Variants in ADGRB3 observed in about 807,000 individuals in gnomAD.
ADGRB3 encodes the protein brain-specific angiogenesis inhibitor 3.
ADGRB3 carries 37 observed loss-of-function variants against 193.4 expected under a neutral mutation model. The observed-to-expected ratio is 0.19, with a 90% confidence interval of 0.15 to 0.25. The LOEUF is 0.25. Among genes scored for constraint, ADGRB3 ranks in the 10% least tolerant of loss-of-function variants. The pLI, the probability that ADGRB3 is intolerant of heterozygous loss-of-function variation, is 1.00. For missense variants in ADGRB3, 1,637 were observed against 1,852.9 expected, an observed-to-expected ratio of 0.88 and a Z score of 2.14; for synonymous variants, 690 against 644.2, an observed-to-expected ratio of 1.07 and a Z score of -1.08.
chr6:68,798,176 G>T (rs1325197347), intron 3 of ADGRB3, among the ~76,000 whole-genome samples: 3 of 152,130 alleles, frequency 2.0e-5, no homozygotes, highest in Non-Finnish European at 4.4e-5. Context: ...TATGAAAACA[G>T]TTGGTTTATT....
intron 3 of ADGRB3, among the ~76,000 whole-genome samples, chr6:68,793,199 C>G (rs1767143257): frequency 6.6e-6 from 1 of 152,102 alleles, no homozygotes; most frequent in South Asian, 2.1e-4. Context: ...ACTGTTCGTG[C>G]ATCTCAGGGT....
intron 3 of ADGRB3, among the ~76,000 whole-genome samples, chr6:68,757,348 C>T (rs1052223079): frequency 2.1e-4 from 32 of 152,218 alleles, no homozygotes; most frequent in Admixed American, 7.2e-4. Context: ...TACTTTGAAA[C>T]GAGATTGATT....
intron 3 of ADGRB3, among the ~76,000 whole-genome samples, chr6:68,744,880 G>C (rs1052426923): frequency 3.3e-5 from 5 of 152,048 alleles, no homozygotes; most frequent in Non-Finnish European, 5.9e-5. Flanking sequence ...AGAACTTGAA[G>C]TATAATTTTA....
intron 17 of ADGRB3, among the ~76,000 whole-genome samples, chr6:69,219,461 G>GTGTATATA (rs1491200940): frequency 0.019 from 1,884 of 98,944 alleles, 49 homozygotes; most frequent in Middle Eastern, 0.029. Flanking sequence ...ACACACACAC[G>GTGTATATA]TATATATATA....
chr6:69,163,229 C>T (rs1278529517), intron 17 of ADGRB3, among the ~76,000 whole-genome samples: 2 of 152,104 alleles, frequency 1.3e-5, no homozygotes, highest in African/African-American at 2.4e-5. Context: ...ATTCCCCAGA[C>T]AGAAGCTCAA....
intron 17 of ADGRB3, among the ~76,000 whole-genome samples, chr6:69,215,456 G>A (rs1164150767): frequency 1.3e-5 from 1 of 75,818 alleles, no homozygotes; most frequent in African/African-American, 9.0e-5. Flanking sequence ...ACAGAAACGT[G>A]TGTGTGTGTG....
intron 3 of ADGRB3, among the ~76,000 whole-genome samples, chr6:68,825,542 G>A (rs1767826837): frequency 6.6e-6 from 1 of 152,180 alleles, no homozygotes; most frequent in African/African-American, 2.4e-5. Context: ...GATGAACACT[G>A]ATATGGTTAG....
At position 69,088,604 on chromosome 6, in the gene ADGRB3, C is replaced by A. The variant is rs550706765; in HGVS notation, c.2480+12566C>A. Among the ~76,000 whole-genome samples the A allele has an allele frequency of 6.8e-4, 103 of 152,312 alleles. 1 individual carries two copies. Among genetic ancestry groups the A allele is most frequent in the Non-Finnish European group, 3.2e-4 (22 of 68,028 alleles). On this transcript the variant is annotated intron_variant, in intron 17 of 31. Coordinates refer to ENST00000370598, the MANE Select transcript of ADGRB3 (RefSeq NM_001704.3). The stretch of plus-strand genomic sequence containing the variant: ...GGCCAGTCTGGTCTAAAATTCCTGA[C>A]CTCAGGTGATCTGCCTGCCTTGGCC...
chr6:69,031,564 T>TTTCTTTCTTTCTTTCTTTCTTTCTTTTC (rs1398380007), intron 13 of ADGRB3, among the ~76,000 whole-genome samples: 1 of 135,642 alleles, frequency 7.4e-6, no homozygotes, highest in Admixed American at 7.7e-5. Context: ...TCTTTCTTTC[T>TTTCTTTCTTTCTTTCTTTCTTTCTTTTC]TTTCTTCCTC....
chr6:69,287,449 AAG>A (rs1345640573), intron 20 of ADGRB3, among the ~76,000 whole-genome samples: 8 of 152,166 alleles, frequency 5.3e-5, no homozygotes, highest in African/African-American at 1.9e-4. Context: ...CAATGAGAAA[AAG>A]AAAAAAAACT....
At chr6:68,743,492 AT>A (rs1348125357) in intron 3 of ADGRB3, among the ~76,000 whole-genome samples, 1 of 151,570 alleles carries the variant, frequency 6.6e-6, no homozygotes, top group African/African-American at 2.4e-5. Flanking sequence ...CATGTGTTCT[AT>A]TTTTTGAGGC....
chr6:69,216,688 G>A (rs1765778763), intron 17 of ADGRB3, among the ~76,000 whole-genome samples: 2 of 152,158 alleles, frequency 1.3e-5, no homozygotes, highest in African/African-American at 2.4e-5. Flanking sequence ...AGCCTAGAGA[G>A]CTCTGGAAAA....
chr6:69,142,762 A>G (rs1275234165), intron 17 of ADGRB3, among the ~76,000 whole-genome samples: 1 of 152,180 alleles, frequency 6.6e-6, no homozygotes, highest in Non-Finnish European at 1.5e-5. Context: ...TCTCAATGTG[A>G]ATGTCTCCTC....
At chr6:68,953,747 TGGATGCCTGTTAAACAATCTC>T in intron 6 of ADGRB3, among the ~76,000 whole-genome samples, 1 of 152,242 alleles carries the variant, frequency 6.6e-6, no homozygotes, top group African/African-American at 2.4e-5. Flanking sequence ...TAAGTACAGC[TGGATGCCTGTTAAACAATCTC>T]TTTTTAATAC....
intron 10 of ADGRB3, among the ~76,000 whole-genome samples, chr6:68,981,206 T>C (rs1182695463): frequency 1.3e-5 from 2 of 151,614 alleles, no homozygotes; most frequent in Non-Finnish European, 3.0e-5. Flanking sequence ...GTTAGAGTAT[T>C]GCTCTCTCTA....
intron 3 of ADGRB3, among the ~76,000 whole-genome samples, chr6:68,752,508 G>A (rs1479953537): frequency 6.6e-6 from 1 of 151,964 alleles, no homozygotes; most frequent in African/African-American, 2.4e-5. Flanking sequence ...CCTGAACTCA[G>A]GTGATCCACC....
intron 3 of ADGRB3, among the ~76,000 whole-genome samples, chr6:68,883,549 T>C (rs189008677): frequency 3.3e-4 from 50 of 152,266 alleles, no homozygotes; most frequent in Admixed American, 8.5e-4. Flanking sequence ...AGCTTCACTC[T>C]TGAGGTCAGC....
At chr6:69,122,805 T>G (rs888059811) in intron 17 of ADGRB3, among the ~76,000 whole-genome samples, 2 of 152,056 alleles carry the variant, frequency 1.3e-5, no homozygotes, top group Non-Finnish European at 2.9e-5. Flanking sequence ...AAAATCAATA[T>G]GGCAGAACAA....
intron 16 of ADGRB3, among the ~76,000 whole-genome samples, chr6:69,064,293 A>G (rs548638696): frequency 1.3e-5 from 2 of 151,682 alleles, no homozygotes; most frequent in Non-Finnish European, 2.9e-5. Context: ...AAACTATTCT[A>G]AATAGTTTAA....
Sources: gnomAD v4.1 joint callset for allele counts (sites outside exome capture counted in the v4.1 genomes callset) on GRCh38, gnomAD v4.1.1 for gene constraint, MANE v1.5 for transcripts, NCBI Gene and HGNC (gene_info 2026-07-23, HGNC 2026-07-21) for gene names.